The following PHKG2 variants were observed in gnomAD, a reference collection of about 807,000 sequenced individuals.
PHKG2 encodes the protein phosphorylase b kinase gamma catalytic chain, liver/testis isoform.
Under a neutral mutation model 44.5 loss-of-function variants are expected in PHKG2, and 28 were observed. That is an observed-to-expected ratio of 0.63 (90% confidence interval 0.47 to 0.86). The LOEUF is 0.86. Among genes scored for constraint, PHKG2 ranks in the 40% least tolerant of loss-of-function variants. The probability of loss-of-function intolerance (pLI) is 0.00; values close to 1 mark genes in which losing one functional copy is unlikely to be tolerated. For synonymous variants in PHKG2, 220 were observed against 211.2 expected (o/e 1.04, Z -0.36); for missense variants, 498 against 547.5 (o/e 0.91, Z 0.90).
chr16:30,754,919 C>T (rs1314481958), intron 6 of PHKG2: 3 of 455,504 alleles, frequency 6.6e-6, no homozygotes, highest in South Asian at 4.7e-5. Flanking sequence ...TGCCACTTGG[C>T]AAATCAGTGC....
chr16:30,754,624 A>C (rs2053392388), intron 6 of PHKG2, among the ~76,000 whole-genome samples: 1 of 152,142 alleles, frequency 6.6e-6, no homozygotes, highest in African/African-American at 2.4e-5. Flanking sequence ...CTGACTCCAG[A>C]GTTAATACTC....
intron 2 of PHKG2, among the ~76,000 whole-genome samples, chr16:30,749,318 CAGG>C (rs1240154220): frequency 2.6e-5 from 4 of 151,332 alleles, no homozygotes; most frequent in Admixed American, 1.3e-4. Flanking sequence ...CAGGTTTTCT[CAGG>C]AGAAGACTGG....
intron 4 of PHKG2, chr16:30,752,455 C>T (rs2053364422): frequency 6.6e-6 from 1 of 151,894 alleles, no homozygotes; most frequent in South Asian, 2.1e-4. Context: ...CACTCACCAG[C>T]CTCTCGCGCT....
At chr16:30,750,882 C>T (rs1406455421) in intron 2 of PHKG2, among the ~76,000 whole-genome samples, 2 of 152,194 alleles carry the variant, frequency 1.3e-5, no homozygotes, top group Non-Finnish European at 2.9e-5. Flanking sequence ...TGGATTTGAA[C>T]CCAGGCCCTA....
At chr16:30,750,009 T>G (rs2053324360) in intron 2 of PHKG2, among the ~76,000 whole-genome samples, 1 of 152,066 alleles carries the variant, frequency 6.6e-6, no homozygotes, top group Admixed American at 6.6e-5. Flanking sequence ...GTGTGGTAGA[T>G]GTCTCCAGCT....
Position 30,758,925 on chromosome 16 carries a change from A to T in PHKG2, c.*1828A>T. ...AGAGAAAGGACTCTGACTAAAAACA[A>T]AAAGTCTGAAGTCCTGATGTCATCC... On this transcript the variant is annotated 3_prime_UTR_variant, in exon 10 of 10. Transcript: ENST00000563588. The T allele has an allele frequency of 6.5e-7, 1 of 1,547,010 alleles. No individual in the cohort carries two copies. Among genetic ancestry groups the T allele is most frequent in the East Asian group, 2.3e-5 (1 of 44,322 alleles).
intron 6 of PHKG2, among the ~76,000 whole-genome samples, chr16:30,755,485 G>C (rs1228228085): frequency 6.6e-6 from 1 of 151,970 alleles, no homozygotes; most frequent in Non-Finnish European, 1.5e-5. Flanking sequence ...GACCAGCCTG[G>C]CCAACACGGT....
chr16:30,760,265 G>A lies in PHKG2; in HGVS notation c.*3168G>A. ...CCTCTTCTCCCTGGGGCTCAAACCT[G>A]GTAGCTGCCCCCTCTCACCAATACA... On this transcript the variant is annotated 3_prime_UTR_variant, in exon 10 of 10. Transcript: ENST00000563588. The A allele has an allele frequency of 6.2e-7, 1 of 1,614,100 alleles. No individual in the cohort carries two copies. The highest frequency in any genetic ancestry group is 2.2e-5 in the East Asian group (1 of 44,890).
In PHKG2 at chr16:30,757,210, A is replaced by ACCCT; in HGVS notation, c.*115_*118dup. The ACCCT allele has an allele frequency of 6.3e-7, 1 of 1,590,826 alleles. No individual in the cohort carries two copies. Among genetic ancestry groups the ACCCT allele is most frequent in the Non-Finnish European group, 8.5e-7 (1 of 1,175,752 alleles). On this transcript the variant is annotated 3_prime_UTR_variant, in exon 10 of 10. Transcript: ENST00000563588. ...CCTCAGGCCCACTAATGATCCTGCT[A>ACCCT]CCCTCTTGAAGACCAGCCCGGTACC...
chr16:30,753,123 GAGATCTATCTTT>G (rs1388509504), intron 4 of PHKG2, 97 bp from the exon 5 acceptor site: 1 of 884,516 alleles, frequency 1.1e-6, no homozygotes, highest in African/African-American at 1.6e-5. Flanking sequence ...TTTGTCTGCA[GAGATCTATCTTT>G]AGTGGCCTCT....
Position 30,759,320 on chromosome 16 carries a change from C to T in PHKG2, c.*2223C>T. 6.2e-7 allele frequency: 1 copy of T among 1,612,706 alleles called. No homozygotes were observed. The highest frequency in any genetic ancestry group is 8.5e-7 in the Non-Finnish European group (1 of 1,178,880). On this transcript the variant is annotated 3_prime_UTR_variant, in exon 10 of 10. Coordinates refer to ENST00000563588, the MANE Select transcript of PHKG2 (RefSeq NM_000294.3). The stretch of plus-strand genomic sequence containing the variant: ...GGGGAGGGGCGGTTGAGGGTGGCTC[C>T]TCATGGTCCACCACCCCCTACCTGG...
chr16:30,756,136 T>C, intron 6 of PHKG2, 46 bp from the exon 7 acceptor site: 1 of 1,430,880 alleles, frequency 7.0e-7, no homozygotes, highest in Admixed American at 1.7e-5. Context: ...CTAAGGGCCC[T>C]AGAGGGGCTG....
Position 30,756,798 on chromosome 16 carries a change from T to C in PHKG2, c.928-6T>C. 2 of 1,614,026 alleles carry C rather than the reference T, an allele frequency of 1.2e-6. No individual in the cohort carries two copies. The highest frequency in any genetic ancestry group is 1.1e-5 in the South Asian group (1 of 91,074). ...GCACTAGAGCTCACCCTGCCCCCCT[T>C]CCCAGGTGGCAGTGTGGACAGTGCT... is the stretch of plus-strand genomic sequence containing the variant. On this transcript the variant is annotated splice_region_variant and splice_polypyrimidine_tract_variant and intron_variant, in intron 9 of 9. Coordinates refer to ENST00000563588, the MANE Select transcript of PHKG2 (RefSeq NM_000294.3).
Position 30,760,734 on chromosome 16 carries a change from G to C in PHKG2, c.*3637G>C. Reference sequence around the variant, plus strand: ...TATCATGACAAGGCTGTGACAGCTAGTGCGTGAGACTGGGAGTTGGCCACC... The same window carrying C: ...TATCATGACAAGGCTGTGACAGCTACTGCGTGAGACTGGGAGTTGGCCACC... On this transcript the variant is annotated 3_prime_UTR_variant, in exon 10 of 10. Coordinates refer to ENST00000563588, the MANE Select transcript of PHKG2 (RefSeq NM_000294.3). The C allele has an allele frequency of 6.9e-7, 1 of 1,440,322 alleles. No individual in the cohort carries two copies. Among genetic ancestry groups the C allele is most frequent in the Non-Finnish European group, 9.5e-7 (1 of 1,047,440 alleles). 89.2% of individuals were successfully genotyped at this position (1,440,322 alleles called of 1,614,324 possible). A position where few individuals can be genotyped will look rare whatever the true frequency, so the allele number is the denominator to read the frequency against.
Position 30,756,789 on chromosome 16 carries a change from T to C in PHKG2, c.928-15T>C. On this transcript the variant is annotated splice_polypyrimidine_tract_variant and intron_variant, in intron 9 of 9. Transcript: ENST00000563588. ...CTTTCCCCTGCACTAGAGCTCACCCTGCCCCCCTTCCCAGGTGGCAGTGTG... is the reference window on the plus strand; with the variant it reads ...CTTTCCCCTGCACTAGAGCTCACCCCGCCCCCCTTCCCAGGTGGCAGTGTG... 2 of 1,614,138 alleles carry C rather than the reference T, an allele frequency of 1.2e-6. No individual in the cohort carries two copies. Among genetic ancestry groups the C allele is most frequent in the Non-Finnish European group, 8.5e-7 (1 of 1,180,024 alleles).
chr16:30,755,007 C>T (rs1419488077), intron 6 of PHKG2: 1 of 433,938 alleles, frequency 2.3e-6, no homozygotes, highest in Non-Finnish European at 4.7e-6. Context: ...CTGTTAAAAT[C>T]TCCTGGAAGT....
In PHKG2 at chr16:30,760,196, T is replaced by C; in HGVS notation, c.*3099T>C. 6.2e-7 allele frequency: 1 copy of C among 1,608,770 alleles called. No homozygotes were observed. Among genetic ancestry groups the C allele is most frequent in the Non-Finnish European group, 8.5e-7 (1 of 1,179,724 alleles). ...AATAATGACATATTCCAGGCAGAAATCCCCTGCTTCTGCTTCCCATGGTCA... is the reference window on the plus strand; with the variant it reads ...AATAATGACATATTCCAGGCAGAAACCCCCTGCTTCTGCTTCCCATGGTCA... On this transcript the variant is annotated 3_prime_UTR_variant, in exon 10 of 10. Transcript: ENST00000563588.
At position 30,756,359 on chromosome 16, in the gene PHKG2, T is replaced by C. The variant is rs1386078712; in HGVS notation, c.648-8T>C. 6.2e-7 allele frequency: 1 copy of C among 1,614,170 alleles called. No individual in the cohort carries two copies. The highest frequency in any genetic ancestry group is 1.7e-5 in the Admixed American group (1 of 60,026). On this transcript the variant is annotated splice_polypyrimidine_tract_variant and splice_region_variant and intron_variant, in intron 7 of 9. Transcript: ENST00000563588. ...CCTAGTCCCGCCTGACTCCAGTCTC[T>C]TTCCCAGCTGGGCCTGTGGGGTGAT...
rs536534405 is a variant in PHKG2, at chr16:30,756,142, G to A, written c.557-40G>A. 6 of 1,474,682 alleles carry A rather than the reference G, an allele frequency of 4.1e-6. No homozygotes were observed. The South Asian group carries it at 6.8e-5, about 17-fold the overall frequency. The allele number at this position is 1,474,682 out of a possible 1,614,324, so 91.3% of individuals were successfully genotyped here. A position where few individuals can be genotyped will look rare whatever the true frequency, so the allele number is the denominator to read the frequency against. ...GATCCAGTGCTAAGGGCCCTAGAGG[G>A]GCTGGTGGCATCCCCTCAATCTTGG... On this transcript the variant is annotated intron_variant, in intron 6 of 9. Transcript: ENST00000563588.
Sources: allele counts gnomAD v4.1 joint callset (sites outside exome capture counted in the v4.1 genomes callset), GRCh38; gene constraint gnomAD v4.1.1; transcripts MANE v1.5; gene names NCBI Gene and HGNC (gene_info 2026-07-23, HGNC 2026-07-21).